The following CDK19 variants were observed in gnomAD, a reference collection of about 807,000 sequenced individuals.
CDK19 encodes the protein cyclin-dependent kinase 19.
Under a neutral mutation model 68.3 loss-of-function variants are expected in CDK19, and 20 were observed. The ratio of observed to expected loss-of-function variants is 0.29; its 90% confidence interval spans 0.21 to 0.43. CDK19 has a LOEUF of 0.43. Among genes scored for constraint, CDK19 ranks in the 20% least tolerant of loss-of-function variants. CDK19 has a pLI of 1.00. For synonymous variants in CDK19, 221 were observed against 222.8 expected (o/e 0.99, Z 0.07); for missense variants, 339 against 623.5 (o/e 0.54, Z 4.86).
intron 2 of CDK19, among the ~76,000 whole-genome samples, chr6:110,686,037 G>A (rs1430948690): frequency 6.6e-6 from 1 of 152,126 alleles, no homozygotes; most frequent in Non-Finnish European, 1.5e-5. Context: ...ACATGGGAAT[G>A]AGGCAGAAGC....
intron 5 of CDK19, among the ~76,000 whole-genome samples, chr6:110,637,793 A>G (rs1436165261): frequency 6.6e-6 from 1 of 152,246 alleles, no homozygotes; most frequent in Non-Finnish European, 1.5e-5. Context: ...CAGCCTGGCC[A>G]ACATGGTGAA....
intron 1 of CDK19, among the ~76,000 whole-genome samples, chr6:110,810,329 A>G: frequency 6.6e-6 from 1 of 152,322 alleles, no homozygotes; most frequent in South Asian, 2.1e-4. Flanking sequence ...ATAGCTTTCC[A>G]AAAAGAGATA....
chr6:110,811,407 C>T (rs1273720048), intron 1 of CDK19, among the ~76,000 whole-genome samples: 1 of 152,148 alleles, frequency 6.6e-6, no homozygotes, highest in Non-Finnish European at 1.5e-5. Flanking sequence ...ATGCAAGGCA[C>T]CACGCTCGGC....
intron 1 of CDK19, among the ~76,000 whole-genome samples, chr6:110,775,409 C>T (rs186462911): frequency 3.9e-4 from 59 of 151,952 alleles, no homozygotes; most frequent in African/African-American, 1.3e-3. Flanking sequence ...AAGAGGACAA[C>T]GTAAAAGAAA....
intron 1 of CDK19, among the ~76,000 whole-genome samples, chr6:110,795,159 C>T (rs1042491422): frequency 6.6e-6 from 1 of 152,122 alleles, no homozygotes; most frequent in African/African-American, 2.4e-5. Flanking sequence ...TTTGTAGAGA[C>T]AGGGTTCCCC....
chr6:110,812,573 T>C (rs1891456), intron 1 of CDK19, among the ~76,000 whole-genome samples: 17,291 of 152,242 alleles, frequency 0.11, 1,443 homozygotes, highest in Admixed American at 0.26. Flanking sequence ...TTTCTAATGA[T>C]ATTTTATTTC....
intron 2 of CDK19, among the ~76,000 whole-genome samples, chr6:110,676,921 T>TTTA (rs1771581793): frequency 6.6e-6 from 1 of 152,092 alleles, no homozygotes; most frequent in Non-Finnish European, 1.5e-5. Flanking sequence ...GAGTGTAAAG[T>TTTA]TTATAACTAC....
chr6:110,703,966 AGAGGTCACCAAAAT>A, intron 2 of CDK19, among the ~76,000 whole-genome samples: 1 of 152,242 alleles, frequency 6.6e-6, no homozygotes, highest in South Asian at 2.1e-4. Flanking sequence ...TTACCTATGA[AGAGGTCACCAAAAT>A]AATAAATTTT....
intron 4 of CDK19, among the ~76,000 whole-genome samples, chr6:110,654,912 G>T (rs1342323872): frequency 6.6e-6 from 1 of 150,478 alleles, no homozygotes; most frequent in African/African-American, 2.4e-5. Flanking sequence ...TTGCATTCCA[G>T]CCTGGGCAAT....
At chr6:110,766,312 C>T (rs919881100) in intron 1 of CDK19, among the ~76,000 whole-genome samples, 7 of 151,992 alleles carry the variant, frequency 4.6e-5, no homozygotes, top group African/African-American at 1.7e-4. Context: ...TGGTGGCTCA[C>T]ACCTGTAATC....
intron 1 of CDK19, among the ~76,000 whole-genome samples, chr6:110,766,540 T>C (rs1562271017): frequency 6.6e-6 from 1 of 151,536 alleles, no homozygotes; most frequent in Non-Finnish European, 1.5e-5. Context: ...ATTACACCAC[T>C]GGACTCCACC....
intron 1 of CDK19, among the ~76,000 whole-genome samples, chr6:110,774,415 G>A (rs1443585526): frequency 6.6e-6 from 1 of 152,186 alleles, no homozygotes; most frequent in Non-Finnish European, 1.5e-5. Flanking sequence ...GCTACTAAGT[G>A]ACAGGTAGTG....
intron 2 of CDK19, among the ~76,000 whole-genome samples, chr6:110,726,831 A>T (rs1265426393): frequency 1.3e-5 from 2 of 152,166 alleles, no homozygotes; most frequent in African/African-American, 2.4e-5. Flanking sequence ...CTAAGTTCTG[A>T]AGAGTAACAT....
chr6:110,741,056 C>T (rs1777623859), intron 2 of CDK19, among the ~76,000 whole-genome samples: 1 of 151,886 alleles, frequency 6.6e-6, no homozygotes, highest in South Asian at 2.1e-4. Flanking sequence ...ATGAACAGAG[C>T]CTTGGAGAGA....
At chr6:110,702,749 T>C (rs1344504873) in intron 2 of CDK19, among the ~76,000 whole-genome samples, 1 of 152,178 alleles carries the variant, frequency 6.6e-6, no homozygotes, top group African/African-American at 2.4e-5. Context: ...AAAGAATATA[T>C]ATATCTATCT....
At chr6:110,794,190 C>T (rs1472174822) in intron 1 of CDK19, among the ~76,000 whole-genome samples, 4 of 151,768 alleles carry the variant, frequency 2.6e-5, no homozygotes, top group Admixed American at 6.6e-5. Flanking sequence ...GGACTAAGGG[C>T]GTCTGCCACC....
chr6:110,787,935 G>A (rs1781346918), intron 1 of CDK19, among the ~76,000 whole-genome samples: 1 of 152,094 alleles, frequency 6.6e-6, no homozygotes, highest in African/African-American at 2.4e-5. Context: ...TGCCTCCCGG[G>A]TTCAAATGAT....
At chr6:110,778,759 G>A (rs968089146) in intron 1 of CDK19, among the ~76,000 whole-genome samples, 4 of 152,086 alleles carry the variant, frequency 2.6e-5, no homozygotes, top group African/African-American at 4.8e-5. Context: ...AGCCTTCCTC[G>A]CTGCTACGAC....
intron 1 of CDK19, among the ~76,000 whole-genome samples, chr6:110,791,244 G>GA (rs1215270122): frequency 6.6e-6 from 1 of 151,404 alleles, no homozygotes; most frequent in East Asian, 1.9e-4. Context: ...ATCTGTCATG[G>GA]AAAAAAAGAA....
Sources: gnomAD v4.1 joint callset for allele counts (sites outside exome capture counted in the v4.1 genomes callset) on GRCh38, gnomAD v4.1.1 for gene constraint, MANE v1.5 for transcripts, NCBI Gene and HGNC (gene_info 2026-07-23, HGNC 2026-07-21) for gene names.